Variants in ST6GALNAC4 observed in about 807,000 individuals in gnomAD.
The protein encoded by ST6GALNAC4 is alpha-N-acetyl-neuraminyl-2,3-beta-galactosyl-1,3-N-acetyl-galactosaminide alpha-2,6-sialyltransferase.
In ST6GALNAC4, 24 loss-of-function variants were observed where a neutral mutation model predicts 30.4. The observed-to-expected ratio is 0.79, with a 90% CI of 0.57 to 1.11. ST6GALNAC4 has a LOEUF of 1.11. Among genes scored for constraint, ST6GALNAC4 ranks in the 50% most tolerant of loss-of-function variants. The probability of loss-of-function intolerance (pLI) is 0.00; values close to 1 mark genes in which losing one functional copy is unlikely to be tolerated. For missense variants in ST6GALNAC4, 365 were observed against 430.1 expected (o/e 0.85, Z 1.34); for synonymous variants, 156 against 179.7 (o/e 0.87, Z 1.05).
At position 127,909,901 on chromosome 9, in the gene ST6GALNAC4, G is replaced by A. The variant is rs773718470; in HGVS notation, c.719+50C>T. 1.0e-5 allele frequency: 16 copies of A among 1,569,676 alleles called. No homozygotes were observed. The South Asian group carries it at 1.7e-4, about 17-fold the overall frequency. On this transcript the variant is annotated intron_variant, in intron 5 of 5. Transcript: ENST00000335791. ...AATCCTCTGGTTTAAGGCCTAGGAG[G>A]GCTCACAGTCCTCCCCGCGTCCCCG...
At chr9:127,913,371 G>T (rs769166284) in intron 3 of ST6GALNAC4, among the ~76,000 whole-genome samples, 1 of 152,062 alleles carries the variant, frequency 6.6e-6, no homozygotes, top group Non-Finnish European at 1.5e-5. Flanking sequence ...AATCACCTGA[G>T]GTCAGGAGTT....
At chr9:127,909,841 T>A (rs905361333) in intron 5 of ST6GALNAC4, 110 bp downstream of exon 5, 5 of 1,064,670 alleles carry the variant, frequency 4.7e-6, no homozygotes, top group African/African-American at 1.6e-5. Context: ...TCACCCACCA[T>A]GAAGCCCACA....
intron 5 of ST6GALNAC4, 141 bp downstream of exon 5, chr9:127,909,810 C>T: frequency 1.3e-6 from 1 of 791,924 alleles, no homozygotes; most frequent in Non-Finnish European, 2.0e-6. Context: ...GCCCAGAGCG[C>T]AAGGGGTATC....
rs761380594 is a variant in ST6GALNAC4 at position 127,910,047 on chromosome 9, C to T, written c.623G>A (p.Gly208Asp). 3.7e-6 allele frequency: 6 copies of T among 1,613,226 alleles called. No individual in the cohort carries two copies. The East Asian group carries it at 1.3e-4, about 36-fold the overall frequency. Residue 208 changes from glycine (G) to aspartate (D), a missense_variant, in exon 5 of 6, where the codon GGC becomes GAC. Physicochemically the swap from Gly to Asp is moderately conservative, Grantham distance 94. Coordinates refer to ENST00000335791, the MANE Select transcript of ST6GALNAC4 (RefSeq NM_175039.4). ...DETGKNRRQS[G>D]SFLSTGWFTM... ...GAACCAGCCGGTGCTGAGGAAGGAG[C>T]CCGACTGCCTCCTGGGGGTGGCGGG...
chr9:127,916,698 G>A (rs1831201672), intron 1 of ST6GALNAC4, 128 bp downstream of exon 1: 1 of 563,088 alleles, frequency 1.8e-6, no homozygotes, highest in Non-Finnish European at 3.2e-6. Flanking sequence ...GAGACCTCCT[G>A]CCAACCCAAT....
intron 4 of ST6GALNAC4, chr9:127,910,292 G>C: frequency 1.5e-6 from 2 of 1,311,586 alleles, no homozygotes; most frequent in Non-Finnish European, 9.8e-7. Context: ...AGCGGGGCTC[G>C]GGCCCAGCTA....
Position 127,912,688 on chromosome 9 carries a change from G to A in ST6GALNAC4, c.199-8C>T. 3.9e-6 allele frequency: 6 copies of A among 1,556,934 alleles called. No individual in the cohort carries two copies. Among genetic ancestry groups the A allele is most frequent in the Non-Finnish European group, 3.5e-6 (4 of 1,153,830 alleles). On this transcript the variant is annotated splice_region_variant and splice_polypyrimidine_tract_variant and intron_variant, in intron 3 of 5. Transcript: ENST00000335791. The stretch of plus-strand genomic sequence containing the variant: ...GGGCTCGCGGACCAGCGGCTGCAGG[G>A]CAGGCAGGGAGAAAGAGACAGAGAG...
At chr9:127,913,310 A>G (rs1341532957) in intron 3 of ST6GALNAC4, among the ~76,000 whole-genome samples, 1 of 152,138 alleles carries the variant, frequency 6.6e-6, no homozygotes, top group African/African-American at 2.4e-5. Context: ...CTGGGCCGGG[A>G]GCGGTGGCTC....
chr9:127,911,510 G>T (rs921071484), intron 4 of ST6GALNAC4, among the ~76,000 whole-genome samples: 1 of 152,206 alleles, frequency 6.6e-6, no homozygotes, highest in Non-Finnish European at 1.5e-5. Context: ...TTGAGACAGA[G>T]TCTCGCTCTG....
intron 4 of ST6GALNAC4, 27 bp from the exon 5 acceptor site, chr9:127,910,085 C>T (rs765123665): frequency 2.6e-5 from 42 of 1,609,390 alleles, no homozygotes; most frequent in Admixed American, 1.0e-4. Context: ...GACAGGGGGA[C>T]GCTGTCAACA....
Position 127,908,341 on chromosome 9 carries a change from G to T in ST6GALNAC4, c.*51C>A, listed in dbSNP as rs1164174658. 2.1e-6 allele frequency: 3 copies of T among 1,460,370 alleles called. No homozygotes were observed. The South Asian group carries it at 4.4e-5, about 21-fold the overall frequency. 90.5% of individuals were successfully genotyped at this position (1,460,370 alleles called of 1,614,324 possible). A position where few individuals can be genotyped will look rare whatever the true frequency, so the allele number is the denominator to read the frequency against. Reference sequence around the variant, plus strand: ...TTGTGGAGTGTGATGGCTTGGGATGGGACATCCCGGAGGCCTCGCAACGGC... The same window carrying T: ...TTGTGGAGTGTGATGGCTTGGGATGTGACATCCCGGAGGCCTCGCAACGGC... On this transcript the variant is annotated 3_prime_UTR_variant, in exon 6 of 6. Transcript: ENST00000335791.
At chr9:127,911,273 G>A (rs1001798526) in intron 4 of ST6GALNAC4, among the ~76,000 whole-genome samples, 4 of 152,150 alleles carry the variant, frequency 2.6e-5, no homozygotes, top group African/African-American at 9.7e-5. Flanking sequence ...ATGATGATAC[G>A]AGAGGAATCA....
chr9:127,913,626 AAG>A (rs1335933976), intron 3 of ST6GALNAC4, among the ~76,000 whole-genome samples: 5 of 149,844 alleles, frequency 3.3e-5, no homozygotes, highest in African/African-American at 1.2e-4. Flanking sequence ...AAAAAAGAAA[AAG>A]AAAAAGAAAA....
In ST6GALNAC4 at chr9:127,912,361, G is replaced by A. The variant is rs1202738626; in HGVS notation, c.518C>T (p.Thr173Ile). The A allele has an allele frequency of 1.9e-6, 3 of 1,614,156 alleles. No individual in the cohort carries two copies. The highest frequency in any genetic ancestry group is 2.5e-6 in the Non-Finnish European group (3 of 1,180,026). ...GRTYRTLLQL[T>I]RMYPGLQVYT... ...CACCTGCAGGCCGGGGTACATCCTG[G>A]TGAGCTGCAGCAGCGTGCGGTAGGT... Residue 173 changes from threonine (T) to isoleucine (I), a missense_variant, in exon 4 of 6, where the codon ACC (threonine) becomes ATC (isoleucine). By Grantham distance (89) the Thr-to-Ile change is moderately conservative. Coordinates refer to ENST00000335791, the MANE Select transcript of ST6GALNAC4 (RefSeq NM_175039.4).
chr9:127,913,654 C>T (rs1296793868), intron 3 of ST6GALNAC4, among the ~76,000 whole-genome samples: 1 of 140,596 alleles, frequency 7.1e-6, no homozygotes, highest in Admixed American at 7.1e-5. Context: ...TCTGGCCGGG[C>T]ACGGTGGCTC....
Position 127,908,605 on chromosome 9 carries a change from G to A in ST6GALNAC4, c.720-24C>T, listed in dbSNP as rs781313203. The stretch of plus-strand genomic sequence containing the variant: ...CCCTGCGGGGTGGGGAACAGGGCTG[G>A]GGTGGGACAGAACCCACTCGCCTCC... On this transcript the variant is annotated intron_variant, in intron 5 of 5. Coordinates refer to ENST00000335791, the MANE Select transcript of ST6GALNAC4 (RefSeq NM_175039.4). The A allele has an allele frequency of 1.2e-5, 19 of 1,542,748 alleles. 1 individual carries two copies. The South Asian group carries it at 2.2e-4, about 18-fold the overall frequency.
chr9:127,916,213 T>C (rs1165948465), intron 2 of ST6GALNAC4, 195 bp downstream of exon 2: 8 of 692,540 alleles, frequency 1.2e-5, no homozygotes, highest in South Asian at 8.4e-5. Context: ...GTACTGACAC[T>C]GCAGAGTGGA....
chr9:127,914,117 G>A (rs1758871103), intron 3 of ST6GALNAC4, among the ~76,000 whole-genome samples: 1 of 151,664 alleles, frequency 6.6e-6, no homozygotes, highest in South Asian at 2.1e-4. Context: ...TTTCTTGGGC[G>A]GGCGTGGTGG....
intron 4 of ST6GALNAC4, 22 bp from the exon 5 acceptor site, chr9:127,910,080 G>A (rs1564501802): frequency 1.9e-6 from 3 of 1,611,036 alleles, no homozygotes; most frequent in Admixed American, 3.3e-5. Flanking sequence ...GGGGGGACAG[G>A]GGGACGCTGT....
Sources: gnomAD v4.1 joint callset for allele counts (sites outside exome capture counted in the v4.1 genomes callset) on GRCh38, gnomAD v4.1.1 for gene constraint, MANE v1.5 for transcripts, NCBI Gene and HGNC (gene_info 2026-07-23, HGNC 2026-07-21) for gene names.